PDCD6IP: variants seen among roughly 807,000 people sequenced by gnomAD.
PDCD6IP encodes programmed cell death 6 interacting protein.
A neutral mutation model predicts 103.7 loss-of-function variants in PDCD6IP; 43 were observed. The observed-to-expected ratio is 0.41, with a 90% CI of 0.32 to 0.53. PDCD6IP has a LOEUF of 0.53. Ranked by LOEUF, PDCD6IP falls within the 20% of genes least tolerant of loss-of-function variation. PDCD6IP has a pLI of 0.16. For synonymous variants in PDCD6IP, 354 were observed against 378.7 expected (o/e 0.93, Z 0.76); for missense variants, 871 against 1,036.7 (o/e 0.84, Z 2.20).
At chr3:33,799,035 G>T in intron 1 of PDCD6IP, 98 bp downstream of exon 1, 4 of 1,172,842 alleles carry the variant, frequency 3.4e-6, no homozygotes, top group South Asian at 1.5e-5. Flanking sequence ...AACCTGGGCG[G>T]AGCCGCCCCG....
chr3:33,817,007 G>T (rs1202682563), intron 3 of PDCD6IP, among the ~76,000 whole-genome samples: 2 of 152,172 alleles, frequency 1.3e-5, no homozygotes, highest in Non-Finnish European at 2.9e-5. Context: ...ATGTCCTTCA[G>T]TAATGTCTTG....
At chr3:33,866,315 T>C in intron 17 of PDCD6IP, 36 bp from the exon 18 acceptor site, 2 of 1,282,790 alleles carry the variant, frequency 1.6e-6, no homozygotes, top group South Asian at 1.6e-5. Flanking sequence ...TAGTATTTGA[T>C]TTACCAATCA....
chr3:33,804,393 A>G (rs1696545703), intron 1 of PDCD6IP, among the ~76,000 whole-genome samples: 1 of 152,234 alleles, frequency 6.6e-6, no homozygotes, highest in Non-Finnish European at 1.5e-5. Flanking sequence ...TAATATTAGC[A>G]CAATGACGTT....
chr3:33,858,335 C>A (rs1230513897), intron 15 of PDCD6IP, among the ~76,000 whole-genome samples: 2 of 152,134 alleles, frequency 1.3e-5, no homozygotes, highest in Non-Finnish European at 2.9e-5. Context: ...TTAACTTATG[C>A]ATCAACTGGG....
At chr3:33,850,534 A>G (rs9830506) in intron 12 of PDCD6IP, among the ~76,000 whole-genome samples, 1,858 of 151,678 alleles carry the variant, frequency 0.012, 35 homozygotes, top group African/African-American at 0.042. Flanking sequence ...AACAACCCCC[A>G]CCCCAAATTA....
At chr3:33,815,970 G>T (rs1330033353) in intron 3 of PDCD6IP, among the ~76,000 whole-genome samples, 1 of 152,182 alleles carries the variant, frequency 6.6e-6, no homozygotes, top group Non-Finnish European at 1.5e-5. Flanking sequence ...TAGAGGAAGA[G>T]GTTCTGGGAA....
In PDCD6IP at chr3:33,826,570, C is replaced by T. The variant is rs368925669; in HGVS notation, c.707C>T (p.Thr236Ile). 67 of 1,611,090 alleles carry T rather than the reference C, an allele frequency of 4.2e-5. No homozygotes were observed. The highest frequency in any genetic ancestry group is 5.5e-5 in the Non-Finnish European group (65 of 1,177,714). Residue 236 changes from threonine (T) to isoleucine (I), a missense_variant, in exon 6 of 18, where the codon ACT (threonine) becomes ATT (isoleucine). By Grantham distance (89) the Thr-to-Ile change is moderately conservative. This residue lies in a region of PDCD6IP where 242 missense variants were observed against 250.7 expected (regional missense o/e 0.97). Coordinates refer to ENST00000307296, the MANE Select transcript of PDCD6IP (RefSeq NM_013374.6). ...TTCAAACAGTGTCAATACAAAGATA[C>T]TCTCCCCAAGGTCAGTTATTGTTTT... Reference protein sequence around the residue: ...DAFKQCQYKDTLPKEVFPVLA... With the variant: ...DAFKQCQYKDILPKEVFPVLA...
intron 12 of PDCD6IP, among the ~76,000 whole-genome samples, chr3:33,850,673 T>C (rs1697694352): frequency 6.6e-6 from 1 of 152,166 alleles, no homozygotes; most frequent in Non-Finnish European, 1.5e-5. Flanking sequence ...TTTAATAATA[T>C]GTCCTGGAAG....
At chr3:33,801,000 G>T (rs1019292124) in intron 1 of PDCD6IP, among the ~76,000 whole-genome samples, 32 of 152,170 alleles carry the variant, frequency 2.1e-4, no homozygotes, top group African/African-American at 7.0e-4. Context: ...ACCTGTTGTA[G>T]ATATAGTCTC....
Position 33,836,203 on chromosome 3 carries a change from A to T in PDCD6IP, c.994A>T (p.Ile332Phe). Residue 332 changes from isoleucine to phenylalanine, a missense_variant, in exon 8 of 18, where the codon ATT (isoleucine) becomes TTT (phenylalanine). This residue lies in a region of PDCD6IP where 242 missense variants were observed against 250.7 expected (regional missense o/e 0.97). Coordinates refer to ENST00000307296, the MANE Select transcript of PDCD6IP (RefSeq NM_013374.6). ...RVPDLKDLDPIGKATLVKSTP... is the reference protein window; with the variant it reads ...RVPDLKDLDPFGKATLVKSTP... ...TCCAGACCTTAAAGATCTAGATCCT[A>T]TTGGCAAAGCCACACTTGTGAAATC... 6.2e-7 allele frequency: 1 copy of T among 1,613,610 alleles called. No individual in the cohort carries two copies. The highest frequency in any genetic ancestry group is 8.5e-7 in the Non-Finnish European group (1 of 1,179,534).
rs763239165 is a variant in PDCD6IP, at chr3:33,812,149, A to G, written c.264+23A>G. 4 of 1,595,072 alleles carry G rather than the reference A, an allele frequency of 2.5e-6. No individual in the cohort carries two copies. The East Asian group carries it at 9.1e-5, about 36-fold the overall frequency. Reference sequence around the variant, plus strand: ...CAGGTAAGTCATTAATTCTGTCTTAAAATTATATGGTAATAGCACCCATTT... The same window carrying G: ...CAGGTAAGTCATTAATTCTGTCTTAGAATTATATGGTAATAGCACCCATTT... On this transcript the variant is annotated intron_variant, in intron 2 of 17. Coordinates refer to ENST00000307296, the MANE Select transcript of PDCD6IP (RefSeq NM_013374.6).
intron 15 of PDCD6IP, among the ~76,000 whole-genome samples, chr3:33,860,117 TACGC>T (rs1197559716): frequency 6.6e-6 from 1 of 152,200 alleles, no homozygotes; most frequent in Non-Finnish European, 1.5e-5. Context: ...TTGGCTTGTT[TACGC>T]ACAAGGAAGC....
chr3:33,844,626 A>G (rs553287163), intron 11 of PDCD6IP, among the ~76,000 whole-genome samples: 116 of 152,128 alleles, frequency 7.6e-4, no homozygotes, highest in African/African-American at 2.7e-3. Flanking sequence ...CACTGTAGAC[A>G]TGTGCTACCA....
intron 9 of PDCD6IP, among the ~76,000 whole-genome samples, chr3:33,841,433 CTTTTT>C (rs1301369045): frequency 4.9e-5 from 3 of 60,954 alleles, no homozygotes; most frequent in African/African-American, 1.5e-4. Flanking sequence ...CTTTGCTTTG[CTTTTT>C]TTTTTTTTTT....
chr3:33,826,928 T>G (rs772259696), intron 6 of PDCD6IP: 6 of 1,012,250 alleles, frequency 5.9e-6, no homozygotes, highest in Non-Finnish European at 7.1e-6. Flanking sequence ...CTTGAGCATG[T>G]TGATGATTCA....
In PDCD6IP at chr3:33,863,085, A is replaced by G. The variant is rs1056949135; in HGVS notation, c.2121-921A>G. On this transcript the variant is annotated intron_variant, in intron 15 of 17. Transcript: ENST00000307296. ...TTTTCAGTTTTTGTTATATTGATAA[A>G]TAATTATACATATTATGGGGTACAT... Among the ~76,000 whole-genome samples, 6 of 151,958 alleles carry G rather than the reference A, an allele frequency of 3.9e-5. No homozygotes were observed. The East Asian group carries it at 5.8e-4, about 15-fold the overall frequency.
At chr3:33,828,680 A>G (rs1178580536) in intron 6 of PDCD6IP, 173 bp from the exon 7 acceptor site, 3 of 484,686 alleles carry the variant, frequency 6.2e-6, no homozygotes, top group Non-Finnish European at 1.0e-5. Context: ...ATTTCAATCC[A>G]CACAAAATCA....
chr3:33,863,822 T>G (rs561239308), intron 15 of PDCD6IP, 184 bp from the exon 16 acceptor site: 3 of 564,640 alleles, frequency 5.3e-6, no homozygotes, highest in Non-Finnish European at 6.3e-6. Context: ...TTTAGTTTTT[T>G]GAGGGACCTC....
chr3:33,821,863 G>T, intron 3 of PDCD6IP, 92 bp from the exon 4 acceptor site: 1 of 1,206,752 alleles, frequency 8.3e-7, no homozygotes. Flanking sequence ...GAGAGTCAGC[G>T]GGATGAGAGA....
Sources: allele counts gnomAD v4.1 joint callset (sites outside exome capture counted in the v4.1 genomes callset), GRCh38; gene constraint gnomAD v4.1.1; regional missense constraint gnomAD v4.1.1; transcripts MANE v1.5; gene names NCBI Gene and HGNC (gene_info 2026-07-23, HGNC 2026-07-21).